CSMD3: variants seen among roughly 807,000 people sequenced by gnomAD.
CSMD3 encodes CUB and Sushi multiple domains 3, also known as CUB and sushi domain-containing protein 3.
A neutral mutation model predicts 435.2 loss-of-function variants in CSMD3; 177 were observed. The ratio of observed to expected loss-of-function variants is 0.41; its 90% CI spans 0.36 to 0.46. The LOEUF (loss-of-function observed/expected upper bound fraction) is 0.46. CSMD3 is among the 20% of genes least tolerant of loss of function. The pLI, the probability that CSMD3 is intolerant of heterozygous loss-of-function variation, is 0.34. For synonymous variants in CSMD3, 1,656 were observed against 1,520.5 expected (o/e 1.09, Z -2.07); for missense variants, 4,265 against 4,504.6 (o/e 0.95, Z 1.52).
chr8:112,492,395 T>A, intron 31 of CSMD3, 94 bp downstream of exon 31: 1 of 935,618 alleles, frequency 1.1e-6, no homozygotes, highest in Non-Finnish European at 1.7e-6. Flanking sequence ...AGATTGTATG[T>A]GGAATAGTTG....
chr8:112,676,328 A>T (rs936565528), intron 16 of CSMD3, among the ~76,000 whole-genome samples: 4 of 152,098 alleles, frequency 2.6e-5, no homozygotes, highest in African/African-American at 9.7e-5. Context: ...CATATCCAAA[A>T]TGTAGCTCTG....
intron 12 of CSMD3, among the ~76,000 whole-genome samples, chr8:112,806,078 A>G (rs772460124): frequency 6.6e-6 from 1 of 152,040 alleles, no homozygotes; most frequent in Non-Finnish European, 1.5e-5. Context: ...GGCCTTAAAA[A>G]AAAAAACTAT....
chr8:112,688,849 A>C (rs2076069923), intron 14 of CSMD3, among the ~76,000 whole-genome samples: 1 of 152,032 alleles, frequency 6.6e-6, no homozygotes, highest in African/African-American at 2.4e-5. Flanking sequence ...TTAGTCAGCA[A>C]AATTTTCAGT....
intron 4 of CSMD3, among the ~76,000 whole-genome samples, chr8:113,153,513 G>A (rs2091873789): frequency 6.6e-6 from 1 of 152,034 alleles, no homozygotes; most frequent in Admixed American, 6.6e-5. Context: ...TCTGTTACAT[G>A]ATAAAAATAT....
intron 4 of CSMD3, among the ~76,000 whole-genome samples, chr8:113,121,029 C>A (rs947364605): frequency 1.3e-5 from 2 of 152,104 alleles, no homozygotes; most frequent in African/African-American, 2.4e-5. Flanking sequence ...AGTGAAGCTG[C>A]ACTTTCAGTG....
intron 1 of CSMD3, among the ~76,000 whole-genome samples, chr8:113,412,944 CA>C (rs1253171149): frequency 6.6e-6 from 1 of 152,032 alleles, no homozygotes; most frequent in Non-Finnish European, 1.5e-5. Flanking sequence ...AGAGTAATCA[CA>C]AATACGAGTG....
In CSMD3 at chr8:113,135,442, C is replaced by T. The variant is rs2091393698; in HGVS notation, c.710-36479G>A. On this transcript the variant is annotated intron_variant, in intron 4 of 70. Transcript: ENST00000297405. ...TTCATATAAATTAATATATATTGTG[C>T]TCCTACATATGAGTTGACTGCATGA... is the stretch of plus-strand genomic sequence containing the variant. Among the ~76,000 whole-genome samples, 6 of 151,674 alleles carry T rather than the reference C, an allele frequency of 4.0e-5. No individual in the cohort carries two copies. The South Asian group carries it at 1.2e-3, about 31-fold the overall frequency.
chr8:113,238,789 A>G (rs2132230847), intron 3 of CSMD3, among the ~76,000 whole-genome samples: 1 of 152,172 alleles, frequency 6.6e-6, no homozygotes, highest in East Asian at 1.9e-4. Flanking sequence ...CTTCCTAAGC[A>G]GGAGAATCCC....
intron 19 of CSMD3, among the ~76,000 whole-genome samples, chr8:112,647,230 A>AAT (rs529563872): frequency 2.2e-3 from 337 of 152,176 alleles, no homozygotes; most frequent in Non-Finnish European, 3.7e-3. Flanking sequence ...ACAAATGATG[A>AAT]ATATATAAAA....
intron 1 of CSMD3, among the ~76,000 whole-genome samples, chr8:113,391,890 T>C (rs1379520439): frequency 6.6e-6 from 1 of 152,056 alleles, no homozygotes; most frequent in African/African-American, 2.4e-5. Context: ...AGCATTCTGA[T>C]TAGCAGCAAT....
chr8:113,292,910 A>C (rs1220837739), intron 2 of CSMD3, among the ~76,000 whole-genome samples: 1 of 151,866 alleles, frequency 6.6e-6, no homozygotes, highest in Non-Finnish European at 1.5e-5. Context: ...AGGGAGAAGA[A>C]AGATGAAAAA....
At chr8:112,690,456 T>C (rs2131827830) in intron 13 of CSMD3, among the ~76,000 whole-genome samples, 1 of 152,036 alleles carries the variant, frequency 6.6e-6, no homozygotes, top group East Asian at 1.9e-4. Context: ...ATACGGTAAA[T>C]CCCTGAATCA....
chr8:112,990,417 A>G (rs897336339), intron 6 of CSMD3, among the ~76,000 whole-genome samples: 3 of 151,948 alleles, frequency 2.0e-5, no homozygotes, highest in African/African-American at 7.2e-5. Context: ...TGTCTTTCAC[A>G]AGCCATGTTT....
intron 7 of CSMD3, among the ~76,000 whole-genome samples, chr8:112,963,206 A>G (rs1422653641): frequency 1.3e-5 from 2 of 151,986 alleles, no homozygotes; most frequent in African/African-American, 4.8e-5. Flanking sequence ...ACTTTGTCCA[A>G]CATCTCACTT....
chr8:113,133,517 T>A (rs979103575), intron 4 of CSMD3, among the ~76,000 whole-genome samples: 1 of 152,146 alleles, frequency 6.6e-6, no homozygotes, highest in Non-Finnish European at 1.5e-5. Flanking sequence ...GAAAATAGAA[T>A]GGAGGTTCCT....
chr8:113,375,477 A>G (rs1156961476), intron 1 of CSMD3, among the ~76,000 whole-genome samples: 1 of 151,728 alleles, frequency 6.6e-6, no homozygotes, highest in Non-Finnish European at 1.5e-5. Context: ...CCAGTAGAAA[A>G]CACTTCAAGA....
Position 113,356,665 on chromosome 8 carries a change from G to A in CSMD3, c.179-41872C>T, listed in dbSNP as rs1198456874. Among the ~76,000 whole-genome samples the A allele has an allele frequency of 2.0e-5, 3 of 152,176 alleles. No individual in the cohort carries two copies. In the East Asian group the frequency reaches 5.8e-4, roughly 29 times the overall value. On this transcript the variant is annotated intron_variant, in intron 1 of 70. Coordinates refer to ENST00000297405, the MANE Select transcript of CSMD3 (RefSeq NM_198123.2). ...ACAACAAATGTCAAAAAAATAGAAA[G>A]CATAGTCAATGTAAATATTTTATCT...
intron 1 of CSMD3, among the ~76,000 whole-genome samples, chr8:113,393,717 A>G (rs1198442838): frequency 6.6e-6 from 1 of 152,156 alleles, no homozygotes; most frequent in African/African-American, 2.4e-5. Flanking sequence ...AACAGATAAC[A>G]AAAATAGTTT....
chr8:112,322,643 T>C (rs889392489), intron 45 of CSMD3, among the ~76,000 whole-genome samples: 6 of 152,100 alleles, frequency 3.9e-5, no homozygotes, highest in Admixed American at 2.0e-4. Flanking sequence ...TGACTCTGTG[T>C]CTCAATTCCC....
Sources: allele counts gnomAD v4.1 joint callset (sites outside exome capture counted in the v4.1 genomes callset), GRCh38; gene constraint gnomAD v4.1.1; transcripts MANE v1.5; gene names NCBI Gene and HGNC (gene_info 2026-07-23, HGNC 2026-07-21).